Variants in FANCA observed in about 807,000 individuals in gnomAD.
FANCA encodes the protein FA complementation group A.
In FANCA, 236 loss-of-function variants were observed where a neutral mutation model predicts 194.3. That is an observed-to-expected ratio of 1.21 (90% CI 1.09 to 1.35). The LOEUF is 1.35. Among genes scored for constraint, FANCA ranks in the 40% most tolerant of loss-of-function variants. The pLI, the probability that FANCA is intolerant of heterozygous loss-of-function variation, is 0.00. For synonymous variants in FANCA, 1,014 were observed against 715.8 expected, an observed-to-expected ratio of 1.42 and a Z score of -6.65; for missense variants, 2,628 against 1,813.9, an observed-to-expected ratio of 1.45 and a Z score of -8.15.
chr16:89,765,079 G>A lies in FANCA; in HGVS notation c.2602-13C>T. On this transcript the variant is annotated splice_polypyrimidine_tract_variant and intron_variant, in intron 27 of 42. Coordinates refer to ENST00000389301, the MANE Select transcript of FANCA (RefSeq NM_000135.4). ...TGAGGAACTGAAACTGAAACAGAGA[G>A]TGACCCGGCCGTTTCTTCATTGCGC... The A allele has an allele frequency of 6.2e-7, 1 of 1,613,898 alleles. No homozygotes were observed.
chr16:89,781,940 G>C (rs373626739), intron 17 of FANCA, among the ~76,000 whole-genome samples: 5 of 150,322 alleles, frequency 3.3e-5, no homozygotes, highest in African/African-American at 9.8e-5. Context: ...CCAGGAGGCA[G>C]AGCTTGCAGT....
At chr16:89,746,802 C>T (rs1014782594) in intron 34 of FANCA, 29 bp downstream of exon 34, 1 of 1,574,354 alleles carries the variant, frequency 6.4e-7, no homozygotes, top group Non-Finnish European at 8.6e-7. Flanking sequence ...TCTGAGAAGG[C>T]CACGAGAGGG....
chr16:89,762,564 A>T, intron 28 of FANCA: 1 of 199,178 alleles, frequency 5.0e-6, no homozygotes, highest in South Asian at 4.7e-5. Flanking sequence ...ACTATCTATA[A>T]AAAGGAAAAA....
chr16:89,801,865 G>A (rs13333212), intron 8 of FANCA, among the ~76,000 whole-genome samples: 1 of 151,740 alleles, frequency 6.6e-6, no homozygotes, highest in Non-Finnish European at 1.5e-5. Context: ...TCTAGCCTGA[G>A]CAACAGAGAG....
intron 17 of FANCA, 60 bp from the exon 18 acceptor site, chr16:89,780,017 C>G: frequency 2.1e-6 from 3 of 1,420,008 alleles, no homozygotes; most frequent in Non-Finnish European, 3.0e-6. Context: ...AAAGACTGAG[C>G]AGTGAAGGCC....
chr16:89,784,055 C>T (rs538431383), intron 15 of FANCA, among the ~76,000 whole-genome samples: 14 of 152,052 alleles, frequency 9.2e-5, no homozygotes, highest in South Asian at 2.1e-4. Context: ...CCACCACGCC[C>T]GGCCAATTTT....
At position 89,737,796 on chromosome 16, in the gene FANCA, C is replaced by T. The variant is rs199778951; in HGVS notation, c.*805G>A. ...CAGGGGCCTGGACTCACTGGACTCT[C>T]CCCTCTCAGAGGTGCGGAACTATAT... is the stretch of plus-strand genomic sequence containing the variant. On this transcript the variant is annotated 3_prime_UTR_variant, in exon 43 of 43. Coordinates refer to ENST00000389301, the MANE Select transcript of FANCA (RefSeq NM_000135.4). 4 of 1,614,146 alleles carry T rather than the reference C, an allele frequency of 2.5e-6. No homozygotes were observed. The Admixed American group carries it at 6.7e-5, about 27-fold the overall frequency.
intron 6 of FANCA, among the ~76,000 whole-genome samples, chr16:89,806,347 C>CTTTTTTTTTTTT (rs34862478): frequency 9.1e-5 from 10 of 110,388 alleles, no homozygotes; most frequent in South Asian, 3.1e-4. Flanking sequence ...CTATATCATT[C>CTTTTTTTTTTTT]TTTTTTTTTT....
In FANCA at chr16:89,740,885, ACTT is replaced by A. The variant is rs915052126; in HGVS notation, c.3766-22_3766-20del. ...CCAATAGCTGTAAATAAAAACGTGCACTTATTATTACATTAAAATTACCTGTGC... is the reference window on the plus strand; with the variant it reads ...CCAATAGCTGTAAATAAAAACGTGCAATTATTACATTAAAATTACCTGTGC... On this transcript the variant is annotated intron_variant, in intron 37 of 42. Coordinates refer to ENST00000389301, the MANE Select transcript of FANCA (RefSeq NM_000135.4). 6 of 1,594,630 alleles carry A rather than the reference ACTT, an allele frequency of 3.8e-6. No individual in the cohort carries two copies. The African/African-American group carries it at 8.1e-5, about 21-fold the overall frequency.
intron 37 of FANCA, among the ~76,000 whole-genome samples, chr16:89,742,276 C>T (rs886191174): frequency 3.3e-5 from 5 of 151,756 alleles, no homozygotes; most frequent in Admixed American, 1.3e-4. Flanking sequence ...CATGCCTGGA[C>T]TACAGACCCC....
intron 28 of FANCA, among the ~76,000 whole-genome samples, chr16:89,764,102 C>T (rs1303681137): frequency 1.3e-5 from 2 of 151,020 alleles, no homozygotes; most frequent in East Asian, 2.0e-4. Context: ...ATTAGTCGGG[C>T]GTGGTGGCAG....
At chr16:89,779,776 G>A (rs2039638474) in intron 18 of FANCA, 93 bp downstream of exon 18, 2 of 1,051,722 alleles carry the variant, frequency 1.9e-6, no homozygotes, top group Non-Finnish European at 3.0e-6. Flanking sequence ...ACACCCTGCA[G>A]GCATCAGAGC....
At position 89,810,779 on chromosome 16, in the gene FANCA, C is replaced by G; in HGVS notation, c.450G>C (p.Glu150Asp). 1 of 1,613,652 alleles carries G rather than the reference C, an allele frequency of 6.2e-7. No individual in the cohort carries two copies. The highest frequency in any genetic ancestry group is 1.3e-5 in the African/African-American group (1 of 75,050). Residue 150 changes from glutamate (E) to aspartate (D), a missense_variant, in exon 5 of 43, where the codon GAG becomes GAC. Transcript: ENST00000389301. The stretch of plus-strand genomic sequence containing the variant: ...TGTGTGCCAATAAATACTGAGCAAA[C>G]TCTAACAGGGAAGACAGCTTCTTCT... ...EQRKKLSSLLEFAQYLLAHSM... is the reference protein window; with the variant it reads ...EQRKKLSSLLDFAQYLLAHSM...
intron 11 of FANCA, 85 bp from the exon 12 acceptor site, chr16:89,792,632 G>A: frequency 8.5e-7 from 1 of 1,174,456 alleles, no homozygotes; most frequent in Non-Finnish European, 1.3e-6. Flanking sequence ...CACAGGGTCG[G>A]TGGGTCTCTC....
At chr16:89,804,832 G>A (rs961525025) in intron 7 of FANCA, among the ~76,000 whole-genome samples, 1 of 152,076 alleles carries the variant, frequency 6.6e-6, no homozygotes, top group Non-Finnish European at 1.5e-5. Flanking sequence ...AGGAGTTCAA[G>A]AGCAGCCTGG....
intron 27 of FANCA, among the ~76,000 whole-genome samples, chr16:89,766,145 C>T (rs1437002538): frequency 4.0e-5 from 6 of 151,522 alleles, no homozygotes; most frequent in South Asian, 4.2e-4. Flanking sequence ...TACAGGCGTG[C>T]GCCACCACGC....
At chr16:89,773,465 A>G in intron 21 of FANCA, 81 bp from the exon 22 acceptor site, 5 of 1,018,718 alleles carry the variant, frequency 4.9e-6, no homozygotes, top group Non-Finnish European at 6.0e-6. Context: ...CACACAGTCA[A>G]ATACAGAGCT....
At chr16:89,743,259 C>A (rs1477935913) in intron 36 of FANCA, among the ~76,000 whole-genome samples, 2 of 152,216 alleles carry the variant, frequency 1.3e-5, no homozygotes, top group Non-Finnish European at 1.5e-5. Flanking sequence ...CCTCATTTTC[C>A]TCAGTTGCCC....
chr16:89,742,457 T>C (rs919048417), intron 37 of FANCA, among the ~76,000 whole-genome samples: 1 of 152,028 alleles, frequency 6.6e-6, no homozygotes, highest in African/African-American at 2.4e-5. Context: ...CTCAACTACA[T>C]ACAACCATTT....
Sources: allele counts gnomAD v4.1 joint callset (sites outside exome capture counted in the v4.1 genomes callset), GRCh38; gene constraint gnomAD v4.1.1; transcripts MANE v1.5; gene names NCBI Gene and HGNC (gene_info 2026-07-23, HGNC 2026-07-21).